The following SUMF1 variants were observed in gnomAD, a reference collection of about 807,000 sequenced individuals.
SUMF1 encodes formylglycine-generating enzyme.
A neutral mutation model predicts 47.6 loss-of-function variants in SUMF1; 48 were observed. That is an observed-to-expected ratio of 1.01 (90% confidence interval 0.80 to 1.28). The LOEUF is 1.28. SUMF1 is among the 50% of genes most tolerant of loss of function. SUMF1 has a pLI of 0.00. For synonymous variants in SUMF1, 230 were observed against 192.1 expected (o/e 1.20, Z -1.63); for missense variants, 571 against 485.4 (o/e 1.18, Z -1.66).
chr3:4,453,325 C>G (rs1234837294), intron 1 of SUMF1, among the ~76,000 whole-genome samples: 1 of 152,142 alleles, frequency 6.6e-6, no homozygotes, highest in Admixed American at 6.5e-5. Flanking sequence ...ATAACAGTCA[C>G]CAAGCCGCTA....
chr3:4,291,432 A>G (rs777010158), intron 8 of SUMF1, among the ~76,000 whole-genome samples: 54 of 152,034 alleles, frequency 3.6e-4, no homozygotes, highest in Non-Finnish European at 5.0e-4. Flanking sequence ...TACTCACTCT[A>G]AAGTGCCTTC....
intron 8 of SUMF1, among the ~76,000 whole-genome samples, chr3:4,207,996 T>A (rs1695690961): frequency 6.6e-6 from 1 of 152,106 alleles, no homozygotes; most frequent in South Asian, 2.1e-4. Flanking sequence ...TCTACAAAAC[T>A]CTCATGGTGA....
At position 4,333,779 on chromosome 3, in the gene SUMF1, AT is replaced by A. The variant is rs980007087; in HGVS notation, c.1014+42550del. Among the ~76,000 whole-genome samples, 578 of 151,448 alleles carry A rather than the reference AT, an allele frequency of 3.8e-3. 3 individuals carry two copies. Among genetic ancestry groups the A allele is most frequent in the African/African-American group, 0.013 (548 of 41,218 alleles). ...TGGAGTAAATATAAACAGGAGAACA[AT>A]TTTTTTTTAAAGAAAGCCAACAAAG... On this transcript the variant is annotated intron_variant and NMD_transcript_variant, in intron 8 of 12. Coordinates refer to the SUMF1 transcript ENST00000448413.
chr3:4,046,958 C>T (rs1695018749), intron 9 of SUMF1, among the ~76,000 whole-genome samples: 1 of 152,070 alleles, frequency 6.6e-6, no homozygotes, highest in African/African-American at 2.4e-5. Flanking sequence ...TTTTGCCTCA[C>T]CAACCTCTGT....
intron 8 of SUMF1, among the ~76,000 whole-genome samples, chr3:4,162,655 T>C (rs149102611): frequency 3.0e-4 from 46 of 152,294 alleles, no homozygotes; most frequent in Non-Finnish European, 5.1e-4. Flanking sequence ...ACATATTCTG[T>C]CTTCATGCCA....
At chr3:4,164,782 T>C (rs574957149) in intron 8 of SUMF1, among the ~76,000 whole-genome samples, 8 of 152,234 alleles carry the variant, frequency 5.3e-5, no homozygotes, top group African/African-American at 1.7e-4. Context: ...CTTTTGGAAC[T>C]TTCTCCTGAT....
intron 9 of SUMF1, among the ~76,000 whole-genome samples, chr3:4,037,913 G>C (rs1450660468): frequency 6.6e-6 from 1 of 152,136 alleles, no homozygotes; most frequent in African/African-American, 2.4e-5. Context: ...TTCACAGTTG[G>C]CGGGTTATGT....
chr3:4,187,590 G>A lies in SUMF1; in HGVS notation c.1015-118845C>T, dbSNP rs188800845. Among the ~76,000 whole-genome samples, 18 of 152,262 alleles carry A rather than the reference G, an allele frequency of 1.2e-4. No individual in the cohort carries two copies. The East Asian group carries it at 2.7e-3, about 23-fold the overall frequency. ...TTGAGGAATTAAAATTGGAGAAGAC[G>A]AATTTTATTGAGGGTTTCCCAATAA... On this transcript the variant is annotated intron_variant and NMD_transcript_variant, in intron 8 of 12. Coordinates refer to the SUMF1 transcript ENST00000448413.
intron 8 of SUMF1, among the ~76,000 whole-genome samples, chr3:4,234,178 T>C (rs372423244): frequency 1.3e-5 from 2 of 152,214 alleles, no homozygotes; most frequent in South Asian, 4.1e-4. Context: ...TTTCTACAAG[T>C]TGCTTAACCT....
At chr3:4,118,178 A>T (rs1458458568) in intron 8 of SUMF1, among the ~76,000 whole-genome samples, 1 of 152,062 alleles carries the variant, frequency 6.6e-6, no homozygotes, top group Non-Finnish European at 1.5e-5. Flanking sequence ...TTCTCTTTGT[A>T]CTCTTGACCA....
At chr3:4,323,549 G>T (rs995681836) in intron 8 of SUMF1, among the ~76,000 whole-genome samples, 2 of 152,196 alleles carry the variant, frequency 1.3e-5, no homozygotes, top group Non-Finnish European at 2.9e-5. Flanking sequence ...TCTCCTTAAA[G>T]ATATTATAAG....
At chr3:4,283,204 C>T (rs1697563189) in intron 8 of SUMF1, among the ~76,000 whole-genome samples, 1 of 152,160 alleles carries the variant, frequency 6.6e-6, no homozygotes, top group Non-Finnish European at 1.5e-5. Flanking sequence ...AAAACCACCC[C>T]CACTTTCAAC....
intron 8 of SUMF1, among the ~76,000 whole-genome samples, chr3:4,284,232 T>C (rs1293485320): frequency 6.6e-6 from 1 of 151,170 alleles, no homozygotes; most frequent in Non-Finnish European, 1.5e-5. Context: ...CTAGGCAACA[T>C]GGCAAAATCC....
At chr3:4,270,409 T>TTCTCTC (rs138890956) in intron 8 of SUMF1, among the ~76,000 whole-genome samples, 5 of 148,926 alleles carry the variant, frequency 3.4e-5, no homozygotes, top group Non-Finnish European at 7.5e-5. Context: ...CTCTCTCTCT[T>TTCTCTC]TCTCTCTCTC....
At chr3:4,430,815 C>A (rs1380611080) in intron 3 of SUMF1, among the ~76,000 whole-genome samples, 9 of 151,990 alleles carry the variant, frequency 5.9e-5, no homozygotes. Flanking sequence ...GACAGTGCTT[C>A]CTGCGGGAGG....
chr3:4,378,386 A>C (rs1700394714), intron 7 of SUMF1, among the ~76,000 whole-genome samples: 1 of 152,240 alleles, frequency 6.6e-6, no homozygotes, highest in Admixed American at 6.5e-5. Context: ...ACTCAAAAAA[A>C]ATCTTAAGTC....
chr3:4,119,713 A>AACACACACAC (rs144771849), intron 8 of SUMF1, among the ~76,000 whole-genome samples: 1 of 149,020 alleles, frequency 6.7e-6, no homozygotes, highest in African/African-American at 2.5e-5. Context: ...CACATACACA[A>AACACACACAC]ACACACACAC....
intron 8 of SUMF1, among the ~76,000 whole-genome samples, chr3:4,119,983 T>C (rs1041925625): frequency 6.6e-6 from 1 of 152,130 alleles, no homozygotes. Flanking sequence ...GCTTCCTTTT[T>C]AGGAAATGTT....
chr3:4,293,202 T>C (rs995346009), intron 8 of SUMF1, among the ~76,000 whole-genome samples: 8 of 152,178 alleles, frequency 5.3e-5, no homozygotes, highest in Non-Finnish European at 1.0e-4. Context: ...GCAGTTATAA[T>C]ATGTAACTGG....
Sources: gnomAD v4.1 joint callset for allele counts (sites outside exome capture counted in the v4.1 genomes callset) on GRCh38, gnomAD v4.1.1 for gene constraint, MANE v1.5 for transcripts, NCBI Gene and HGNC (gene_info 2026-07-23, HGNC 2026-07-21) for gene names.